Variants in SIPA1L3 observed in about 807,000 individuals in gnomAD.
The protein encoded by SIPA1L3 is signal induced proliferation associated 1 like 3.
SIPA1L3 carries 59 observed loss-of-function variants against 150.1 expected under a neutral mutation model. The observed-to-expected ratio is 0.39, with a 90% CI of 0.32 to 0.49. SIPA1L3 has a LOEUF of 0.49. Among genes scored for constraint, SIPA1L3 ranks in the 20% least tolerant of loss-of-function variants. The probability of loss-of-function intolerance (pLI) is 0.86; values close to 1 mark genes in which losing one functional copy is unlikely to be tolerated. For missense variants in SIPA1L3, 2,211 were observed against 2,489.5 expected (o/e 0.89, Z 2.38); for synonymous variants, 1,070 against 1,077.6 (o/e 0.99, Z 0.14).
rs796665139 is a variant in SIPA1L3 at position 37,916,020 on chromosome 19, CA to C, written c.-379+8675del. On this transcript the variant is annotated intron_variant, in intron 1 of 21. Coordinates refer to ENST00000222345, the MANE Select transcript of SIPA1L3 (RefSeq NM_015073.3). ...CTGGGCAACATAGACCCCAACTCTG[CA>C]AAAAAAAAAAAAGTTTTTGTTTTTG... is the stretch of plus-strand genomic sequence containing the variant. Among the ~76,000 whole-genome samples the C allele has an allele frequency of 5.7e-3, 762 of 134,300 alleles. 8 individuals carry two copies. Among genetic ancestry groups the C allele is most frequent in the African/African-American group, 0.017 (611 of 36,766 alleles). 88.1% of individuals were successfully genotyped at this position (134,300 alleles called of 152,430 possible). A position where few individuals can be genotyped will look rare whatever the true frequency, so the allele number is the denominator to read the frequency against.
At chr19:38,135,297 A>G (rs1010396102) in intron 10 of SIPA1L3, among the ~76,000 whole-genome samples, 11 of 152,078 alleles carry the variant, frequency 7.2e-5, no homozygotes, top group Non-Finnish European at 1.2e-4. Context: ...CACATCCCAG[A>G]TGGCTCAACC....
At chr19:38,183,650 GA>G (rs888250458) in intron 16 of SIPA1L3, among the ~76,000 whole-genome samples, 67 of 152,360 alleles carry the variant, frequency 4.4e-4, no homozygotes, top group African/African-American at 1.5e-3. Flanking sequence ...GGTCAGGCTG[GA>G]GGGAGAACTT....
chr19:38,052,176 T>C (rs1421787311), intron 2 of SIPA1L3, among the ~76,000 whole-genome samples: 1 of 152,232 alleles, frequency 6.6e-6, no homozygotes, highest in Non-Finnish European at 1.5e-5. Flanking sequence ...TCATTTTCCA[T>C]GGTGTGTCTT....
intron 4 of SIPA1L3, among the ~76,000 whole-genome samples, chr19:38,097,902 A>AAT (rs1007385456): frequency 7.2e-4 from 110 of 152,234 alleles, no homozygotes; most frequent in African/African-American, 2.4e-3. Context: ...ACACATACCA[A>AAT]ATATATATAT....
chr19:37,943,805 T>C (rs1198244386), intron 1 of SIPA1L3, among the ~76,000 whole-genome samples: 1 of 152,182 alleles, frequency 6.6e-6, no homozygotes, highest in African/African-American at 2.4e-5. Context: ...GTGACCTCCT[T>C]CTCTTAGCGT....
chr19:37,938,854 C>T (rs1003474110), intron 1 of SIPA1L3, among the ~76,000 whole-genome samples: 4 of 152,106 alleles, frequency 2.6e-5, no homozygotes, highest in Non-Finnish European at 4.4e-5. Flanking sequence ...AACTCCTGAG[C>T]TCAGGTGATC....
intron 1 of SIPA1L3, among the ~76,000 whole-genome samples, chr19:38,023,825 G>GAATAA (rs1212403389): frequency 6.6e-6 from 1 of 152,236 alleles, no homozygotes; most frequent in Non-Finnish European, 1.5e-5. Context: ...AGGCTGGGTA[G>GAATAA]ACACTGCCCA....
At chr19:37,963,040 G>C (rs894062635) in intron 1 of SIPA1L3, among the ~76,000 whole-genome samples, 1 of 152,196 alleles carries the variant, frequency 6.6e-6, no homozygotes, top group Non-Finnish European at 1.5e-5. Context: ...GCATGGTTTA[G>C]TGGTCAGATT....
intron 10 of SIPA1L3, among the ~76,000 whole-genome samples, chr19:38,137,296 C>T (rs1369346042): frequency 6.6e-6 from 1 of 152,088 alleles, no homozygotes; most frequent in East Asian, 1.9e-4. Flanking sequence ...TCAAGCGATC[C>T]TCCTGCCTCA....
chr19:37,921,811 G>A (rs755489922), intron 1 of SIPA1L3, among the ~76,000 whole-genome samples: 3 of 151,706 alleles, frequency 2.0e-5, no homozygotes, highest in Non-Finnish European at 2.9e-5. Flanking sequence ...CTATGTTGTC[G>A]TGGCTGGTCT....
chr19:38,090,453 G>C (rs1970235073), intron 4 of SIPA1L3, among the ~76,000 whole-genome samples: 1 of 152,168 alleles, frequency 6.6e-6, no homozygotes, highest in African/African-American at 2.4e-5. Flanking sequence ...AAACTGCCCG[G>C]TCTAGCATGT....
chr19:37,912,560 A>G (rs1170354193), intron 1 of SIPA1L3, among the ~76,000 whole-genome samples: 2 of 152,110 alleles, frequency 1.3e-5, no homozygotes, highest in Non-Finnish European at 2.9e-5. Context: ...CAGTGGCGTC[A>G]TCATAGCTCA....
chr19:38,104,471 G>A (rs577032303), intron 6 of SIPA1L3, among the ~76,000 whole-genome samples: 6 of 152,314 alleles, frequency 3.9e-5, no homozygotes, highest in South Asian at 2.1e-4. Flanking sequence ...CCAGAGCTCC[G>A]CCAGCGTGGG....
Position 38,082,415 on chromosome 19 carries a change from C to T in SIPA1L3, c.850C>T (p.Arg284Trp), listed in dbSNP as rs1264332246. Residue 284 changes from arginine (R) to tryptophan (W), a missense_variant, in exon 3 of 22, where the codon CGG becomes TGG. Coordinates refer to ENST00000222345, the MANE Select transcript of SIPA1L3 (RefSeq NM_015073.3). ...GCCCACGAAGGAGAAGGAGAAGGCC[C>T]GGAAGAAACCTGCGCGGGGCCTCGG... ...LQPTKEKEKA[R>W]KKPARGLGGG... 1.9e-6 allele frequency: 3 copies of T among 1,596,308 alleles called. No individual in the cohort carries two copies. Among genetic ancestry groups the T allele is most frequent in the Admixed American group, 1.7e-5 (1 of 58,270 alleles).
intron 2 of SIPA1L3, among the ~76,000 whole-genome samples, chr19:38,078,628 C>G (rs1357674972): frequency 6.6e-6 from 1 of 151,632 alleles, no homozygotes; most frequent in Non-Finnish European, 1.5e-5. Flanking sequence ...GCAGAAGAGG[C>G]CTGCTACTTT....
chr19:37,971,136 G>T lies in SIPA1L3; in HGVS notation c.-378-57953G>T, dbSNP rs549565594. Among the ~76,000 whole-genome samples the T allele has an allele frequency of 6.6e-4, 100 of 150,826 alleles. No individual in the cohort carries two copies. The Middle Eastern group carries it at 0.014, about 21-fold the overall frequency. On this transcript the variant is annotated intron_variant, in intron 1 of 21. Transcript: ENST00000222345. ...TCCCCCACCTCCCATGCTTTTTTTT[G>T]TTTGTTTGTTTGTTTGTTTGTTTTT... is the stretch of plus-strand genomic sequence containing the variant.
At chr19:38,185,448 C>A (rs910414523) in intron 16 of SIPA1L3, 3 of 152,266 alleles carry the variant, frequency 2.0e-5, no homozygotes, top group Non-Finnish European at 2.9e-5. Flanking sequence ...AACCCACCCC[C>A]CAACCCGCAC....
rs191618993 is a variant in SIPA1L3, at chr19:38,088,870, G to A, written c.1665+19G>A. 4.6e-4 allele frequency: 742 copies of A among 1,610,992 alleles called. 1 individual carries two copies. In the African/African-American group the frequency reaches 8.0e-3, roughly 17 times the overall value. On this transcript the variant is annotated intron_variant, in intron 4 of 21. Coordinates refer to ENST00000222345, the MANE Select transcript of SIPA1L3 (RefSeq NM_015073.3). ...CCGCGAGGTAGGTCCCATCACTCTC[G>A]TTCTTATTAAAGAAATCATAGCCAC...
intron 2 of SIPA1L3, 104 bp from the exon 3 acceptor site, chr19:38,081,152 G>T (rs948426512): frequency 3.8e-5 from 15 of 399,028 alleles, no homozygotes; most frequent in African/African-American, 1.9e-4. Flanking sequence ...ATAATAAAAA[G>T]ATTTTTTAAA....
Sources: allele counts gnomAD v4.1 joint callset (sites outside exome capture counted in the v4.1 genomes callset), GRCh38; gene constraint gnomAD v4.1.1; transcripts MANE v1.5; gene names NCBI Gene and HGNC (gene_info 2026-07-23, HGNC 2026-07-21).